COL6A6: variants seen among roughly 807,000 people sequenced by gnomAD.
COL6A6 encodes the protein collagen alpha-6(VI) chain.
COL6A6 carries 183 observed loss-of-function variants against 208.6 expected under a neutral mutation model. That is an observed-to-expected ratio of 0.88 (90% confidence interval 0.78 to 0.99). The LOEUF (loss-of-function observed/expected upper bound fraction) is 0.99. Ranked by LOEUF, COL6A6 falls within the 50% of genes least tolerant of loss-of-function variation. COL6A6 has a pLI of 0.00. For missense variants in COL6A6, 2,816 were observed against 2,815.2 expected (o/e 1.00, Z -0.01); for synonymous variants, 973 against 1,011.8 (o/e 0.96, Z 0.73).
In COL6A6 at chr3:130,566,947, G is replaced by A. The variant is rs1435377927; in HGVS notation, c.1528G>A (p.Gly510Ser). ...GGCCATTGAGAATATCAGGCAGATG[G>A]GTGGGAATACAAACACAGGCGCAGC... The part of the protein sequence containing the change: ...GKAIENIRQM[G>S]GNTNTGAALN... Residue 510 changes from glycine to serine, a missense_variant, in exon 5 of 37, where the codon GGT becomes AGT. By Grantham distance (56) the Gly-to-Ser change is moderately conservative. Transcript: ENST00000358511. The A allele has an allele frequency of 1.9e-6, 3 of 1,613,852 alleles. No individual in the cohort carries two copies. Among genetic ancestry groups the A allele is most frequent in the Non-Finnish European group, 2.5e-6 (3 of 1,179,858 alleles).
chr3:130,649,098 G>C lies in COL6A6; in HGVS notation c.5269G>C (p.Glu1757Gln). ...GKPECPVHPT[E>Q]LVFALDHSRD... is the part of the protein sequence containing the mutation. ...ACCGGAATGCCCAGTGCACCCAACC[G>C]AGTTGGTGTTTGCCCTGGACCACTC... The change falls in exon 33 of 37, where the codon GAG becomes CAG. Residue 1757 changes from glutamate (E) to glutamine (Q), a missense_variant. Coordinates refer to ENST00000358511, the MANE Select transcript of COL6A6 (RefSeq NM_001102608.3). 6.4e-7 allele frequency: 1 copy of C among 1,574,450 alleles called. No individual in the cohort carries two copies. The highest frequency in any genetic ancestry group is 8.6e-7 in the Non-Finnish European group (1 of 1,159,478).
intron 22 of COL6A6, 76 bp downstream of exon 22, chr3:130,609,040 A>G (rs751182478): frequency 3.9e-5 from 41 of 1,044,526 alleles, no homozygotes; most frequent in Non-Finnish European, 5.9e-5. Flanking sequence ...GACCTGATAG[A>G]AACCTTCAAA....
At chr3:130,620,815 G>GT (rs1226948935) in intron 23 of COL6A6, among the ~76,000 whole-genome samples, 2 of 152,110 alleles carry the variant, frequency 1.3e-5, no homozygotes, top group African/African-American at 4.8e-5. Flanking sequence ...GCAAAGGCTG[G>GT]TTTATTTACT....
rs1349458005 is a variant in COL6A6 at position 130,627,336 on chromosome 3, A to G, written c.4959A>G (p.Pro1653=). ...PRGLQGNDGS[P]GYGSVGRKGA... ...GTTTACAGGGCAATGATGGCAGTCCAGGTTATGGTAGTGTCGGACGCAAGG... is the reference window on the plus strand; with the variant it reads ...GTTTACAGGGCAATGATGGCAGTCCGGGTTATGGTAGTGTCGGACGCAAGG... The change falls in exon 26 of 37, where the codon CCA becomes CCG. Residue 1653 remains proline, a synonymous_variant. Coordinates refer to ENST00000358511, the MANE Select transcript of COL6A6 (RefSeq NM_001102608.3). The G allele has an allele frequency of 6.2e-7, 1 of 1,613,718 alleles. No homozygotes were observed. The highest frequency in any genetic ancestry group is 8.5e-7 in the Non-Finnish European group (1 of 1,179,636).
intron 10 of COL6A6, 113 bp from the exon 11 acceptor site, chr3:130,586,393 A>G: frequency 1.1e-6 from 1 of 896,110 alleles, no homozygotes. Context: ...TGGACAGTAA[A>G]CTGACTGTTC....
At chr3:130,628,172 G>GAAAAAT (rs2064947601) in intron 26 of COL6A6, among the ~76,000 whole-genome samples, 1 of 152,094 alleles carries the variant, frequency 6.6e-6, no homozygotes, top group Non-Finnish European at 1.5e-5. Flanking sequence ...AGAACTATTT[G>GAAAAAT]AAAAATAAAA....
At chr3:130,599,653 G>A in intron 19 of COL6A6, 104 bp from the exon 20 acceptor site, 1 of 1,076,810 alleles carries the variant, frequency 9.3e-7, no homozygotes, top group African/African-American at 1.5e-5. Context: ...TCTCTCATTG[G>A]TGTGTGAACC....
chr3:130,579,047 A>G (rs2063359317), intron 8 of COL6A6, among the ~76,000 whole-genome samples: 1 of 152,166 alleles, frequency 6.6e-6, no homozygotes, highest in African/African-American at 2.4e-5. Flanking sequence ...TTAATCTAAA[A>G]TACCCCATCT....
intron 2 of COL6A6, among the ~76,000 whole-genome samples, chr3:130,561,213 A>T (rs1278971426): frequency 1.3e-5 from 2 of 152,178 alleles, no homozygotes; most frequent in Non-Finnish European, 2.9e-5. Flanking sequence ...TCTCCACAAA[A>T]GATGTAGGGC....
At chr3:130,556,882 G>C (rs1248384677) in intron 1 of COL6A6, among the ~76,000 whole-genome samples, 1 of 152,166 alleles carries the variant, frequency 6.6e-6, no homozygotes, top group Non-Finnish European at 1.5e-5. Flanking sequence ...GCCTGCCATA[G>C]GTGGTCATCT....
chr3:130,529,490 A>G (rs2062034707), intron 1 of COL6A6, among the ~76,000 whole-genome samples: 1 of 152,196 alleles, frequency 6.6e-6, no homozygotes, highest in African/African-American at 2.4e-5. Flanking sequence ...CCAGGGAGAC[A>G]CAGGCAACCT....
At chr3:130,610,536 T>C in intron 22 of COL6A6, 113 bp from the exon 23 acceptor site, 1 of 794,906 alleles carries the variant, frequency 1.3e-6, no homozygotes, top group South Asian at 1.6e-5. Flanking sequence ...ATTGGAGCTC[T>C]CTTTCCCATT....
chr3:130,660,390 A>C (rs2065905423), intron 34 of COL6A6, among the ~76,000 whole-genome samples: 1 of 152,210 alleles, frequency 6.6e-6, no homozygotes. Context: ...CATGAACAAG[A>C]CTGTAGTGAG....
At chr3:130,592,988 G>A in intron 15 of COL6A6, 73 bp from the exon 16 acceptor site, 1 of 1,373,716 alleles carries the variant, frequency 7.3e-7, no homozygotes, top group Admixed American at 1.8e-5. Flanking sequence ...CAAAAATAGA[G>A]TTTTTGTTTG....
chr3:130,634,238 T>TAAAAAAAAAAAAAAAAAAAAAAAAAAAA (rs1553713527), intron 26 of COL6A6, among the ~76,000 whole-genome samples: 1 of 16,210 alleles, frequency 6.2e-5, no homozygotes, highest in Non-Finnish European at 9.2e-5. Flanking sequence ...AATAAATAAA[T>TAAAAAAAAAAAAAAAAAAAAAAAAAAAA]AAATAAAAAA....
intron 3 of COL6A6, among the ~76,000 whole-genome samples, chr3:130,564,595 A>G (rs565478894): frequency 6.6e-6 from 1 of 152,318 alleles, no homozygotes; most frequent in East Asian, 1.9e-4. Context: ...TGCAATTGCT[A>G]TTTCGTTACT....
chr3:130,551,491 A>G (rs541475709), intron 1 of COL6A6, among the ~76,000 whole-genome samples: 42 of 152,124 alleles, frequency 2.8e-4, no homozygotes, highest in South Asian at 2.5e-3. Flanking sequence ...TTGTATTTCT[A>G]TGGGGTTAGT....
chr3:130,613,464 T>A (rs2064419805), intron 23 of COL6A6, among the ~76,000 whole-genome samples: 1 of 152,238 alleles, frequency 6.6e-6, no homozygotes, highest in Non-Finnish European at 1.5e-5. Context: ...TCAGCTTTGT[T>A]CTTTTTGCTT....
chr3:130,663,388 A>G (rs80070087), intron 35 of COL6A6, among the ~76,000 whole-genome samples: 2,950 of 152,174 alleles, frequency 0.019, 92 homozygotes, highest in African/African-American at 0.067. Flanking sequence ...GGTGACTCAT[A>G]TGTATATTAT....
Sources: allele counts gnomAD v4.1 joint callset (sites outside exome capture counted in the v4.1 genomes callset), GRCh38; gene constraint gnomAD v4.1.1; transcripts MANE v1.5; gene names NCBI Gene and HGNC (gene_info 2026-07-23, HGNC 2026-07-21).